The following ATP5PB variants were observed in gnomAD, a reference collection of about 807,000 sequenced individuals.
ATP5PB encodes ATP synthase peripheral stalk subunit b, mitochondrial.
A neutral mutation model predicts 34.5 loss-of-function variants in ATP5PB; 21 were observed. The observed-to-expected ratio is 0.61, with a 90% CI of 0.43 to 0.88. ATP5PB has a LOEUF of 0.88. Ranked by LOEUF, ATP5PB falls within the 40% of genes least tolerant of loss-of-function variation. ATP5PB has a pLI of 0.00. For missense variants in ATP5PB, 293 were observed against 317.4 expected (o/e 0.92, Z 0.58); for synonymous variants, 108 against 114.1 (o/e 0.95, Z 0.34).
In ATP5PB at chr1:111,462,066, A is replaced by T. The variant is rs558973632; in HGVS notation, c.*1072A>T. 2 of 152,214 alleles carry T rather than the reference A, an allele frequency of 1.3e-5. No individual in the cohort carries two copies. The highest frequency in any genetic ancestry group is 4.1e-4 in the South Asian group (2 of 4,838). The allele number at this position is 152,214 out of a possible 1,614,324, so 9.4% of individuals were successfully genotyped here. On this transcript the variant is annotated 3_prime_UTR_variant, in exon 7 of 7. Coordinates refer to ENST00000369722, the MANE Select transcript of ATP5PB (RefSeq NM_001688.5). ...GTGATTCCTCATAAAATTAAAATGG[A>T]AATACCATGATCCAGCAATCCCAGT...
At chr1:111,457,396 A>T (rs1223988786) in intron 5 of ATP5PB, among the ~76,000 whole-genome samples, 1 of 152,164 alleles carries the variant, frequency 6.6e-6, no homozygotes. Flanking sequence ...ACATGATTAG[A>T]TTCTAAAATA....
At chr1:111,452,633 A>G (rs1653365897) in intron 2 of ATP5PB, among the ~76,000 whole-genome samples, 1 of 152,226 alleles carries the variant, frequency 6.6e-6, no homozygotes, top group Non-Finnish European at 1.5e-5. Context: ...GCAAGAGGTG[A>G]TAAGGACTTG....
chr1:111,460,230 T>G lies in ATP5PB; in HGVS notation c.693+594T>G, dbSNP rs1035499169. On this transcript the variant is annotated intron_variant, in intron 6 of 6. Coordinates refer to ENST00000369722, the MANE Select transcript of ATP5PB (RefSeq NM_001688.5). The stretch of plus-strand genomic sequence containing the variant: ...CTTCCATTTTCTAATTCCATGACAT[T>G]CCATTTCTTCTTTTCACCTGCATAA... Among the ~76,000 whole-genome samples the G allele has an allele frequency of 4.2e-4, 64 of 152,214 alleles. 1 individual carries two copies. The highest frequency in any genetic ancestry group is 4.4e-5 in the Non-Finnish European group (3 of 68,038).
At chr1:111,451,058 G>C (rs1360941971) in intron 2 of ATP5PB, among the ~76,000 whole-genome samples, 1 of 152,220 alleles carries the variant, frequency 6.6e-6, no homozygotes, top group East Asian at 1.9e-4. Context: ...AATTAGTCTT[G>C]CATCTCTATT....
chr1:111,449,495 T>G lies in ATP5PB; in HGVS notation c.-47T>G. The G allele has an allele frequency of 6.2e-7, 1 of 1,614,208 alleles. No individual in the cohort carries two copies. Among genetic ancestry groups the G allele is most frequent in the Non-Finnish European group, 8.5e-7 (1 of 1,180,036 alleles). ...GGTCCTGCCCTGACAGATTCTCCTA[T>G]CGGGGTCACAGGGACGCTAAGATTG... On this transcript the variant is annotated 5_prime_UTR_variant, in exon 1 of 7. Coordinates refer to ENST00000369722, the MANE Select transcript of ATP5PB (RefSeq NM_001688.5).
chr1:111,456,644 A>C lies in ATP5PB; in HGVS notation c.402A>C (p.Gln134His). ...CACAATTGTAGCAAAAACTTGCCCA[A>C]CTAGAAGAGGCGAAGCAGGCTTCCA... ...ADKLNEQKLA[Q>H]LEEAKQASIQ... The change falls in exon 5 of 7, where the codon CAA (glutamine) becomes CAC (histidine). Residue 134 changes from glutamine (Q) to histidine (H), a missense_variant. By Grantham distance (24) the Gln-to-His change is conservative. Coordinates refer to ENST00000369722, the MANE Select transcript of ATP5PB (RefSeq NM_001688.5). 6.2e-7 allele frequency: 1 copy of C among 1,612,824 alleles called. No homozygotes were observed. Among genetic ancestry groups the C allele is most frequent in the Non-Finnish European group, 8.5e-7 (1 of 1,179,644 alleles).
rs1358347014 is a variant in ATP5PB, at chr1:111,459,543, T to C, written c.600T>C (p.His200=). The C allele has an allele frequency of 1.2e-6, 2 of 1,613,994 alleles. No individual in the cohort carries two copies. Among genetic ancestry groups the C allele is most frequent in the Non-Finnish European group, 1.7e-6 (2 of 1,179,866 alleles). The change falls in exon 6 of 7, where the codon CAT becomes CAC. Residue 200 remains histidine, a synonymous_variant. Coordinates refer to ENST00000369722, the MANE Select transcript of ATP5PB (RefSeq NM_001688.5). The part of the protein sequence containing the change: ...YKEVKNRLDY[H]ISVQNMMRRK... Reference sequence around the variant, plus strand: ...AAGTAAAGAATCGCCTGGACTATCATATATCTGTGCAGAACATGATGCGTC... The same window carrying C: ...AAGTAAAGAATCGCCTGGACTATCACATATCTGTGCAGAACATGATGCGTC...
chr1:111,453,630 C>G (rs934188226), intron 2 of ATP5PB, among the ~76,000 whole-genome samples: 2 of 152,186 alleles, frequency 1.3e-5, no homozygotes, highest in Non-Finnish European at 2.9e-5. Flanking sequence ...GTGTTTAGCA[C>G]TCTCATCAAA....
At chr1:111,451,337 A>G (rs1452651189) in intron 2 of ATP5PB, among the ~76,000 whole-genome samples, 2 of 152,098 alleles carry the variant, frequency 1.3e-5, no homozygotes, top group Non-Finnish European at 2.9e-5. Context: ...TCTTTTCCCC[A>G]GATGATTGGG....
chr1:111,458,568 G>A lies in ATP5PB; in HGVS notation c.514-889G>A, dbSNP rs552045879. 1.3e-3 allele frequency among the ~76,000 whole-genome samples: 193 copies of A among 151,908 alleles called. 1 individual carries two copies. Among genetic ancestry groups the A allele is most frequent in the African/African-American group, 4.4e-3 (180 of 41,226 alleles). On this transcript the variant is annotated intron_variant, in intron 5 of 6. Coordinates refer to ENST00000369722, the MANE Select transcript of ATP5PB (RefSeq NM_001688.5). The stretch of plus-strand genomic sequence containing the variant: ...CCATACAGCTGAAGTAGAATTGGTC[G>A]GGGGAGAATAAAAGGAGATAGAGGG...
intron 2 of ATP5PB, 93 bp downstream of exon 2, chr1:111,449,966 A>G: frequency 1.3e-6 from 2 of 1,539,720 alleles, no homozygotes; most frequent in Non-Finnish European, 1.8e-6. Flanking sequence ...TAGGTCAGAA[A>G]TTTCTTTCCG....
chr1:111,461,060 A>G lies in ATP5PB; in HGVS notation c.*66A>G. On this transcript the variant is annotated 3_prime_UTR_variant, in exon 7 of 7. Transcript: ENST00000369722. ...GACTAAATGGAAACTAGTCTATTTGACAAAGTCTTTCTGTGTTGGTGTCTA... is the reference window on the plus strand; with the variant it reads ...GACTAAATGGAAACTAGTCTATTTGGCAAAGTCTTTCTGTGTTGGTGTCTA... The G allele has an allele frequency of 1.4e-6, 2 of 1,437,938 alleles. No individual in the cohort carries two copies. Among genetic ancestry groups the G allele is most frequent in the South Asian group, 1.2e-5 (1 of 84,820 alleles). The allele number at this position is 1,437,938 out of a possible 1,614,324, so 89.1% of individuals were successfully genotyped here. A position where few individuals can be genotyped will look rare whatever the true frequency, so the allele number is the denominator to read the frequency against.
chr1:111,454,791 C>T (rs556491153), intron 3 of ATP5PB, among the ~76,000 whole-genome samples: 6 of 152,180 alleles, frequency 3.9e-5, no homozygotes, highest in African/African-American at 1.4e-4. Context: ...GATTTGATTG[C>T]TCCAACTTGT....
chr1:111,454,595 G>A (rs949447112), intron 3 of ATP5PB, among the ~76,000 whole-genome samples: 1 of 151,906 alleles, frequency 6.6e-6, no homozygotes, highest in Admixed American at 6.6e-5. Flanking sequence ...GGGACTTGGC[G>A]TGCACCCGGC....
intron 2 of ATP5PB, among the ~76,000 whole-genome samples, chr1:111,451,808 G>A (rs989476444): frequency 1.3e-5 from 2 of 152,092 alleles, no homozygotes; most frequent in African/African-American, 4.8e-5. Flanking sequence ...AGAGAATGAA[G>A]GAAGATAAGG....
intron 6 of ATP5PB, among the ~76,000 whole-genome samples, chr1:111,460,355 TTCTC>T: frequency 6.6e-6 from 1 of 152,102 alleles, no homozygotes; most frequent in East Asian, 1.9e-4. Flanking sequence ...TTTTTTTTCT[TTCTC>T]GAGTTTATAA....
chr1:111,455,857 T>TAA (rs1653456201), intron 3 of ATP5PB, among the ~76,000 whole-genome samples: 2 of 152,232 alleles, frequency 1.3e-5, no homozygotes, highest in African/African-American at 4.8e-5. Context: ...TCAGAGATTA[T>TAA]TTAGATTGCT....
chr1:111,462,748 T>C lies in ATP5PB; in HGVS notation c.*1754T>C, dbSNP rs1350080829. On this transcript the variant is annotated 3_prime_UTR_variant, in exon 7 of 7. Coordinates refer to ENST00000369722, the MANE Select transcript of ATP5PB (RefSeq NM_001688.5). ...TGATTGGATCAGCAGTTATTTCAAA[T>C]TGATTAAACAAAAAATTATAAAACA... 6.6e-6 allele frequency: 1 copy of C among 152,242 alleles called. No individual in the cohort carries two copies. The allele number at this position is 152,242 out of a possible 1,614,324, so 9.4% of individuals were successfully genotyped here. A position where few individuals can be genotyped will look rare whatever the true frequency, so the allele number is the denominator to read the frequency against.
At chr1:111,459,325 T>C (rs1489884416) in intron 5 of ATP5PB, 132 bp from the exon 6 acceptor site, 1 of 806,644 alleles carries the variant, frequency 1.2e-6, no homozygotes, top group Non-Finnish European at 1.9e-6. Context: ...TCTAGGTACA[T>C]ATTACCTATT....
Sources: allele counts gnomAD v4.1 joint callset (sites outside exome capture counted in the v4.1 genomes callset), GRCh38; gene constraint gnomAD v4.1.1; transcripts MANE v1.5; gene names NCBI Gene and HGNC (gene_info 2026-07-23, HGNC 2026-07-21).